GRIA1: variants seen among roughly 807,000 people sequenced by gnomAD.
The protein encoded by GRIA1 is glutamate receptor 1.
A neutral mutation model predicts 99.2 loss-of-function variants in GRIA1; 31 were observed. The observed-to-expected ratio is 0.31, with a 90% CI of 0.23 to 0.42. The LOEUF is 0.42. Among genes scored for constraint, GRIA1 ranks in the 10% least tolerant of loss-of-function variants. The pLI is 1.00. For synonymous variants in GRIA1, 438 were observed against 432.4 expected (o/e 1.01, Z -0.16); for missense variants, 782 against 1,157.5 (o/e 0.68, Z 4.71).
chr5:153,686,882 G>T (rs1223899367), intron 8 of GRIA1, among the ~76,000 whole-genome samples: 2 of 152,106 alleles, frequency 1.3e-5, no homozygotes, highest in Admixed American at 1.3e-4. Flanking sequence ...GAACCTATGT[G>T]CCCGGGCCTC....
intron 2 of GRIA1, among the ~76,000 whole-genome samples, chr5:153,636,488 C>T (rs1489754865): frequency 6.6e-6 from 1 of 152,174 alleles, no homozygotes; most frequent in Non-Finnish European, 1.5e-5. Context: ...TACATATTGT[C>T]TTTGGCTGCC....
chr5:153,746,068 C>T (rs1309588929), intron 11 of GRIA1, among the ~76,000 whole-genome samples: 2 of 152,152 alleles, frequency 1.3e-5, no homozygotes, highest in Non-Finnish European at 2.9e-5. Flanking sequence ...AAATGACTTG[C>T]CCAAAATCAC....
intron 2 of GRIA1, among the ~76,000 whole-genome samples, chr5:153,608,655 G>C (rs1392824237): frequency 6.6e-6 from 1 of 152,172 alleles, no homozygotes; most frequent in Non-Finnish European, 1.5e-5. Flanking sequence ...TCTCCTGGGA[G>C]ATAGTAAGCA....
chr5:153,639,030 T>G (rs1322824916), intron 2 of GRIA1, among the ~76,000 whole-genome samples: 1 of 152,222 alleles, frequency 6.6e-6, no homozygotes, highest in Non-Finnish European at 1.5e-5. Flanking sequence ...AACAGCCACG[T>G]CTGTGCTGGA....
At chr5:153,654,330 T>C (rs2149462895) in intron 4 of GRIA1, among the ~76,000 whole-genome samples, 1 of 152,300 alleles carries the variant, frequency 6.6e-6, no homozygotes, top group African/African-American at 2.4e-5. Flanking sequence ...TATCAGCTGT[T>C]TCCTTTGTTT....
intron 2 of GRIA1, among the ~76,000 whole-genome samples, chr5:153,549,630 T>C (rs557370837): frequency 6.6e-6 from 1 of 152,276 alleles, no homozygotes; most frequent in Non-Finnish European, 1.5e-5. Context: ...AAGAATGGAC[T>C]GTGGTATTTT....
At chr5:153,623,641 C>T (rs187191672) in intron 2 of GRIA1, among the ~76,000 whole-genome samples, 12 of 152,260 alleles carry the variant, frequency 7.9e-5, no homozygotes, top group East Asian at 1.9e-4. Context: ...TCAACATGGA[C>T]GGCGTTAATA....
At position 153,680,720 on chromosome 5, in the gene GRIA1, A is replaced by G. The variant is rs1756915836; in HGVS notation, c.1029+3559A>G. 2.0e-5 allele frequency among the ~76,000 whole-genome samples: 3 copies of G among 152,162 alleles called. No individual in the cohort carries two copies. In the South Asian group the frequency reaches 6.2e-4, roughly 31 times the overall value. On this transcript the variant is annotated intron_variant, in intron 7 of 15. Transcript: ENST00000285900. ...AGATGGGGTCTGGGGTTGGGTGGGCAATGGAGTTTAAGACGCAGTCCTGCC... is the reference window on the plus strand; with the variant it reads ...AGATGGGGTCTGGGGTTGGGTGGGCGATGGAGTTTAAGACGCAGTCCTGCC...
intron 2 of GRIA1, among the ~76,000 whole-genome samples, chr5:153,604,082 C>T (rs959693564): frequency 3.1e-4 from 47 of 151,582 alleles, no homozygotes; most frequent in African/African-American, 1.1e-3. Context: ...CTATCATACA[C>T]AGCAATAACA....
chr5:153,638,362 T>G (rs1423387464), intron 2 of GRIA1, among the ~76,000 whole-genome samples: 1 of 152,196 alleles, frequency 6.6e-6, no homozygotes, highest in African/African-American at 2.4e-5. Context: ...TTTATGGAGC[T>G]CCTAACATGA....
rs190486087 is a variant in GRIA1 at position 153,528,076 on chromosome 5, G to C, written c.220+34011G>C. On this transcript the variant is annotated intron_variant, in intron 2 of 15. Transcript: ENST00000285900. ...CCATGAAACTGCCATTAGTACACCT[G>C]AGTGTTTATGCTTGCGAAAATGTGT... Among the ~76,000 whole-genome samples the C allele has an allele frequency of 4.0e-3, 615 of 152,264 alleles. 5 individuals are homozygous for C. Among genetic ancestry groups the C allele is most frequent in the African/African-American group, 0.014 (595 of 41,550 alleles).
At chr5:153,735,402 G>C (rs1444057716) in intron 11 of GRIA1, among the ~76,000 whole-genome samples, 1 of 152,136 alleles carries the variant, frequency 6.6e-6, no homozygotes, top group Non-Finnish European at 1.5e-5. Context: ...GAGCAAGCAG[G>C]GGGTACCTGA....
At chr5:153,791,398 T>C (rs1765297983) in intron 13 of GRIA1, among the ~76,000 whole-genome samples, 1 of 152,090 alleles carries the variant, frequency 6.6e-6, no homozygotes, top group Admixed American at 6.6e-5. Flanking sequence ...TTGCTGACTT[T>C]ATTCTGCTTG....
chr5:153,533,495 A>G lies in GRIA1; in HGVS notation c.220+39430A>G, dbSNP rs767237692. ...TTTGGATGAACTGACCTCTAGATAC[A>G]TTCATTTTTATGCCAAAAGTCCATT... On this transcript the variant is annotated intron_variant, in intron 2 of 15. Coordinates refer to ENST00000285900, the MANE Select transcript of GRIA1 (RefSeq NM_000827.4). 3.7e-4 allele frequency among the ~76,000 whole-genome samples: 56 copies of G among 152,070 alleles called. 1 individual carries two copies. Among genetic ancestry groups the G allele is most frequent in the Admixed American group, 2.0e-3 (31 of 15,258 alleles).
intron 1 of GRIA1, chr5:153,491,417 T>C: frequency 1.8e-6 from 1 of 562,280 alleles, no homozygotes; most frequent in Non-Finnish European, 2.3e-6. Context: ...GAGGCAGTGC[T>C]TTCTCTGCTG....
intron 2 of GRIA1, among the ~76,000 whole-genome samples, chr5:153,535,304 C>A (rs948994260): frequency 3.3e-5 from 5 of 152,174 alleles, no homozygotes; most frequent in Non-Finnish European, 7.3e-5. Flanking sequence ...GAATGTCAAA[C>A]ACGTACAGAC....
intron 5 of GRIA1, among the ~76,000 whole-genome samples, chr5:153,660,081 T>C (rs943122887): frequency 1.6e-4 from 24 of 152,154 alleles, no homozygotes; most frequent in African/African-American, 7.2e-5. Flanking sequence ...GCTGAGACAT[T>C]ACATGACTGA....
chr5:153,731,226 TTCTCTCTCTC>T (rs372671407), intron 11 of GRIA1, among the ~76,000 whole-genome samples: 1 of 149,400 alleles, frequency 6.7e-6, no homozygotes, highest in African/African-American at 2.5e-5. Context: ...CTGTCTCTCT[TTCTCTCTCTC>T]TCTCTCTCCA....
chr5:153,542,210 T>C (rs1051599621), intron 2 of GRIA1, among the ~76,000 whole-genome samples: 1 of 152,044 alleles, frequency 6.6e-6, no homozygotes, highest in African/African-American at 2.4e-5. Flanking sequence ...ACTTTCCCCA[T>C]CCAGAAGGAT....
Sources: gnomAD v4.1 joint callset for allele counts (sites outside exome capture counted in the v4.1 genomes callset) on GRCh38, gnomAD v4.1.1 for gene constraint, MANE v1.5 for transcripts, NCBI Gene and HGNC (gene_info 2026-07-23, HGNC 2026-07-21) for gene names.